The following GATA4 variants were observed in gnomAD, a reference collection of about 807,000 sequenced individuals.
GATA4 encodes GATA binding protein 4.
Under a neutral mutation model 37.9 loss-of-function variants are expected in GATA4, and 7 were observed. The observed-to-expected ratio is 0.18, with a 90% CI of 0.11 to 0.35. The LOEUF (loss-of-function observed/expected upper bound fraction) is 0.35. Ranked by LOEUF, GATA4 falls within the 10% of genes least tolerant of loss-of-function variation. The pLI is 1.00. For synonymous variants in GATA4, 372 were observed against 292.6 expected (o/e 1.27, Z -2.77); for missense variants, 647 against 653.0 (o/e 0.99, Z 0.10).
chr8:11,679,319 G>T (rs1053154398), intron 1 of GATA4, among the ~76,000 whole-genome samples: 1 of 152,184 alleles, frequency 6.6e-6, no homozygotes, highest in African/African-American at 2.4e-5. Flanking sequence ...ACTCGGGGAT[G>T]GGGGAGGAAG....
At chr8:11,732,662 C>T (rs559445846) in intron 2 of GATA4, among the ~76,000 whole-genome samples, 5 of 152,264 alleles carry the variant, frequency 3.3e-5, no homozygotes, top group South Asian at 4.2e-4. Flanking sequence ...GAGGAGCCGA[C>T]GGAATTTGAG....
At position 11,726,472 on chromosome 8, in the gene GATA4, T is replaced by G. The variant is rs757758420; in HGVS notation, c.616+17544T>G. Reference sequence around the variant, plus strand: ...GCCAACACCGGGGACCTCTTGGGTCTGAGGCAGGGAGAAAGGTGCAGGTGG... The same window carrying G: ...GCCAACACCGGGGACCTCTTGGGTCGGAGGCAGGGAGAAAGGTGCAGGTGG... On this transcript the variant is annotated intron_variant, in intron 2 of 6. Coordinates refer to ENST00000532059, the MANE Select transcript of GATA4 (RefSeq NM_001308093.3). 5.3e-4 allele frequency among the ~76,000 whole-genome samples: 81 copies of G among 152,196 alleles called. 1 individual carries two copies. Among genetic ancestry groups the G allele is most frequent in the Admixed American group, 9.8e-4 (15 of 15,282 alleles).
At chr8:11,705,752 T>C (rs1799864771) in intron 1 of GATA4, among the ~76,000 whole-genome samples, 1 of 152,204 alleles carries the variant, frequency 6.6e-6, no homozygotes, top group Admixed American at 6.5e-5. Context: ...GTAATCCAAC[T>C]CAGGCACTAT....
chr8:11,718,031 T>A (rs1800513438), intron 2 of GATA4, among the ~76,000 whole-genome samples: 1 of 152,220 alleles, frequency 6.6e-6, no homozygotes. Flanking sequence ...TAACTGACCC[T>A]CTGTGTTCCC....
rs1337017686 is a variant in GATA4 at position 11,759,701 on chromosome 8, T to TG, written c.*1227dup. The stretch of plus-strand genomic sequence containing the variant: ...ATCTGCCGCGTTCTCCTCTGCACAT[T>TG]GCTGTTTCTGCCCCTGATGCTGGAG... On this transcript the variant is annotated 3_prime_UTR_variant, in exon 7 of 7. Coordinates refer to ENST00000532059, the MANE Select transcript of GATA4 (RefSeq NM_001308093.3). 1 of 152,334 alleles carries TG rather than the reference T, an allele frequency of 6.6e-6. No homozygotes were observed. The highest frequency in any genetic ancestry group is 1.9e-4 in the East Asian group (1 of 5,206). 9.4% of individuals were successfully genotyped at this position (152,334 alleles called of 1,614,324 possible). A position where few individuals can be genotyped will look rare whatever the true frequency, so the allele number is the denominator to read the frequency against.
At chr8:11,687,324 T>TC (rs1317669882) in intron 1 of GATA4, among the ~76,000 whole-genome samples, 5 of 151,906 alleles carry the variant, frequency 3.3e-5, no homozygotes, top group African/African-American at 4.8e-5. Context: ...TAGACCACCC[T>TC]CCCCCCGCAG....
At chr8:11,684,165 T>A (rs1799066152) in intron 1 of GATA4, among the ~76,000 whole-genome samples, 1 of 152,178 alleles carries the variant, frequency 6.6e-6, no homozygotes, top group African/African-American at 2.4e-5. Flanking sequence ...CCCTGAAACC[T>A]GAAGACGCTG....
chr8:11,733,734 G>T (rs1343515000), intron 2 of GATA4, among the ~76,000 whole-genome samples: 3 of 152,206 alleles, frequency 2.0e-5, no homozygotes, highest in Non-Finnish European at 4.4e-5. Flanking sequence ...AGTATCCATG[G>T]TATGATCCCA....
chr8:11,684,445 T>C (rs894903588), intron 1 of GATA4, among the ~76,000 whole-genome samples: 8 of 152,280 alleles, frequency 5.3e-5, no homozygotes, highest in Non-Finnish European at 1.2e-4. Context: ...ATAGTCTGTG[T>C]TCACAAAAGC....
At chr8:11,742,275 C>A (rs1422547251) in intron 2 of GATA4, among the ~76,000 whole-genome samples, 1 of 152,148 alleles carries the variant, frequency 6.6e-6, no homozygotes, top group Non-Finnish European at 1.5e-5. Context: ...ATTTGTAAAA[C>A]CTCTTTGCAT....
chr8:11,709,045 C>G lies in GATA4; in HGVS notation c.616+117C>G. The G allele has an allele frequency of 2.8e-6, 3 of 1,067,382 alleles. No homozygotes were observed. The highest frequency in any genetic ancestry group is 3.8e-6 in the Non-Finnish European group (3 of 790,522). 66.1% of individuals were successfully genotyped at this position (1,067,382 alleles called of 1,614,324 possible). On this transcript the variant is annotated intron_variant, in intron 2 of 6. Coordinates refer to ENST00000532059, the MANE Select transcript of GATA4 (RefSeq NM_001308093.3). This position sits in a 1 kb window ranked among gnomAD's most constrained non-coding sequence, Gnocchi z 4.3. ...CTTCGTTGGGCTGGGGATGGTGCTT[C>G]ACTACCTCGAGTTTCTAGGGAAGGC... is the stretch of plus-strand genomic sequence containing the variant.
chr8:11,749,184 G>T lies in GATA4; in HGVS notation c.786+99G>T. ...TTTGAATTTTGGAACTTGAGGGTGTGCATCGGGGATTACGTGGGTGAGAGC... is the reference window on the plus strand; with the variant it reads ...TTTGAATTTTGGAACTTGAGGGTGTTCATCGGGGATTACGTGGGTGAGAGC... On this transcript the variant is annotated intron_variant, in intron 3 of 6. Transcript: ENST00000532059. The surrounding 1 kb of genome is among the most constrained non-coding windows in gnomAD (Gnocchi z 4.6). The T allele has an allele frequency of 8.2e-7, 1 of 1,219,660 alleles. No homozygotes were observed. The highest frequency in any genetic ancestry group is 2.0e-5 in the Admixed American group (1 of 51,038). 75.6% of individuals were successfully genotyped at this position (1,219,660 alleles called of 1,614,324 possible). A position where few individuals can be genotyped will look rare whatever the true frequency, so the allele number is the denominator to read the frequency against.
chr8:11,708,555 G>A lies in GATA4; in HGVS notation c.243G>A (p.Gly81=). The A allele has an allele frequency of 7.1e-7, 1 of 1,409,954 alleles. No homozygotes were observed. Among genetic ancestry groups the A allele is most frequent in the Non-Finnish European group, 9.2e-7 (1 of 1,089,402 alleles). 87.3% of individuals were successfully genotyped at this position (1,409,954 alleles called of 1,614,324 possible). The change falls in exon 2 of 7, where the codon GGG becomes GGA. Residue 81 remains glycine (G), a synonymous_variant. Coordinates refer to ENST00000532059, the MANE Select transcript of GATA4 (RefSeq NM_001308093.3). This position sits in a 1 kb window ranked among gnomAD's most constrained non-coding sequence, Gnocchi z 6.7. ...GGGCCGCGTCTGGTGCGGGGCCCGGGACCCAGCAGGGCAGCCCGGGATGGA... is the reference window on the plus strand; with the variant it reads ...GGGCCGCGTCTGGTGCGGGGCCCGGAACCCAGCAGGGCAGCCCGGGATGGA... ...SGGAASGAGP[G]TQQGSPGWSQ...
chr8:11,757,924 G>T (rs1023176585), intron 6 of GATA4, among the ~76,000 whole-genome samples: 7 of 152,212 alleles, frequency 4.6e-5, no homozygotes, highest in African/African-American at 1.4e-4. Flanking sequence ...ACAGAACCAG[G>T]GGCACCAGGA....
At chr8:11,713,784 C>G (rs1800307817) in intron 2 of GATA4, among the ~76,000 whole-genome samples, 1 of 152,288 alleles carries the variant, frequency 6.6e-6, no homozygotes, top group African/African-American at 2.4e-5. Context: ...ATCATAAACT[C>G]CTGGGCGCTG....
intron 2 of GATA4, among the ~76,000 whole-genome samples, chr8:11,734,843 G>C (rs544510802): frequency 1.6e-4 from 24 of 152,300 alleles, no homozygotes; most frequent in African/African-American, 5.8e-4. Flanking sequence ...CCGTCCGATG[G>C]CCTGTTCACC....
chr8:11,717,866 T>C lies in GATA4; in HGVS notation c.616+8938T>C, dbSNP rs147042015. Reference sequence around the variant, plus strand: ...CCCAGTGTTGCACAAACTTCCTTTCTAGCCGTTGGATTCTGGTGTGCAGAG... The same window carrying C: ...CCCAGTGTTGCACAAACTTCCTTTCCAGCCGTTGGATTCTGGTGTGCAGAG... On this transcript the variant is annotated intron_variant, in intron 2 of 6. Transcript: ENST00000532059. 1.6e-3 allele frequency among the ~76,000 whole-genome samples: 240 copies of C among 152,314 alleles called. 1 individual carries two copies. The highest frequency in any genetic ancestry group is 5.6e-3 in the African/African-American group (232 of 41,574).
At chr8:11,757,675 C>A (rs1176248489) in intron 6 of GATA4, among the ~76,000 whole-genome samples, 2 of 152,210 alleles carry the variant, frequency 1.3e-5, no homozygotes, top group Non-Finnish European at 2.9e-5. Flanking sequence ...TTCATGAGAC[C>A]CAGCTCTGCA....
At position 11,758,555 on chromosome 8, in the gene GATA4, G is replaced by C. The variant is rs1297532945; in HGVS notation, c.*80G>C. ...AAAGAAGGAGGCCCTGGGCTCCCAG[G>C]GGCCGGCCTCCTCTGCCTGGTAATG... is the stretch of plus-strand genomic sequence containing the variant. On this transcript the variant is annotated 3_prime_UTR_variant, in exon 7 of 7. Transcript: ENST00000532059. 9.2e-6 allele frequency: 13 copies of C among 1,416,538 alleles called. No individual in the cohort carries two copies. The highest frequency in any genetic ancestry group is 1.2e-5 in the South Asian group (1 of 86,724). The allele number at this position is 1,416,538 out of a possible 1,614,324, so 87.7% of individuals were successfully genotyped here.
Sources: gnomAD v4.1 joint callset for allele counts (sites outside exome capture counted in the v4.1 genomes callset) on GRCh38, gnomAD v4.1.1 for gene constraint, Gnocchi (gnomAD v3.1) non-coding constraint, MANE v1.5 for transcripts, NCBI Gene and HGNC (gene_info 2026-07-23, HGNC 2026-07-21) for gene names.